CLMP: variants seen among roughly 807,000 people sequenced by gnomAD.
CLMP encodes CXADR-like membrane protein.
CLMP carries 27 observed loss-of-function variants against 45.2 expected under a neutral mutation model. The observed-to-expected ratio is 0.60, with a 90% CI of 0.44 to 0.82. The LOEUF (loss-of-function observed/expected upper bound fraction) is 0.82. Among genes scored for constraint, CLMP ranks in the 40% least tolerant of loss-of-function variants. CLMP has a pLI of 0.00. For synonymous variants in CLMP, 167 were observed against 171.4 expected (o/e 0.97, Z 0.20); for missense variants, 403 against 448.4 (o/e 0.90, Z 0.91).
chr11:123,171,842 A>G (rs1455387899), intron 1 of CLMP, among the ~76,000 whole-genome samples: 1 of 152,244 alleles, frequency 6.6e-6, no homozygotes, highest in Non-Finnish European at 1.5e-5. Context: ...CTTTAAAAAT[A>G]GAAGTTATAC....
At chr11:123,194,248 T>C (rs1192443699) in intron 1 of CLMP, among the ~76,000 whole-genome samples, 2 of 152,124 alleles carry the variant, frequency 1.3e-5, no homozygotes, top group African/African-American at 4.8e-5. Flanking sequence ...TATTTCCCTC[T>C]GTTCTGGTTC....
intron 5 of CLMP, among the ~76,000 whole-genome samples, chr11:123,081,819 A>G (rs2135466702): frequency 6.6e-6 from 1 of 150,658 alleles, no homozygotes; most frequent in East Asian, 1.9e-4. Context: ...CCAAGATCAC[A>G]CCACTGCACT....
intron 1 of CLMP, among the ~76,000 whole-genome samples, chr11:123,147,210 A>C (rs146180315): frequency 5.4e-4 from 82 of 151,990 alleles, no homozygotes; most frequent in African/African-American, 1.9e-3. Flanking sequence ...TGGCTCTCCA[A>C]CCTCATCTCG....
intron 1 of CLMP, among the ~76,000 whole-genome samples, chr11:123,189,142 C>A (rs1861873248): frequency 6.6e-6 from 1 of 152,214 alleles, no homozygotes; most frequent in East Asian, 1.9e-4. Context: ...AAACACATTT[C>A]TTAACCATTG....
intron 1 of CLMP, among the ~76,000 whole-genome samples, chr11:123,099,822 G>A (rs967065505): frequency 6.6e-6 from 1 of 152,180 alleles, no homozygotes; most frequent in African/African-American, 2.4e-5. Context: ...TCTTGCCGCA[G>A]TGAGCACAGT....
At chr11:123,074,066 T>C (rs1865705918) in intron 6 of CLMP, among the ~76,000 whole-genome samples, 1 of 152,226 alleles carries the variant, frequency 6.6e-6, no homozygotes, top group African/African-American at 2.4e-5. Flanking sequence ...ATAAACCCTT[T>C]CATGACCTAT....
intron 1 of CLMP, among the ~76,000 whole-genome samples, chr11:123,141,305 C>T (rs887260527): frequency 3.3e-5 from 5 of 150,916 alleles, no homozygotes; most frequent in African/African-American, 4.9e-5. Flanking sequence ...CTGCCTCAGC[C>T]TCCCGAGTAG....
Position 123,125,504 on chromosome 11 carries a change from C to CTCCCTTCCCTTCCCTTCCCTTCCCT in CLMP, c.29-27577_29-27553dup, listed in dbSNP as rs1295258016. Among the ~76,000 whole-genome samples, 27 of 71,152 alleles carry CTCCCTTCCCTTCCCTTCCCTTCCCT rather than the reference C, an allele frequency of 3.8e-4. 1 individual carries two copies. In the East Asian group the frequency reaches 0.011, roughly 28 times the overall value. The allele number at this position is 71,152 out of a possible 152,430, so 46.7% of individuals were successfully genotyped here. A position where few individuals can be genotyped will look rare whatever the true frequency, so the allele number is the denominator to read the frequency against. ...TCCCTCCCTCCTTCCTCCCTTCTTCCTCCCTTCCCTTCCCTTCCCTTCCCT... is the reference window on the plus strand; with the variant it reads ...TCCCTCCCTCCTTCCTCCCTTCTTCCTCCCTTCCCTTCCCTTCCCTTCCCTTCCCTTCCCTTCCCTTCCCTTCCCT... On this transcript the variant is annotated intron_variant, in intron 1 of 6. Coordinates refer to ENST00000448775, the MANE Select transcript of CLMP (RefSeq NM_024769.5).
At chr11:123,163,108 G>A (rs1291069593) in intron 1 of CLMP, among the ~76,000 whole-genome samples, 1 of 152,054 alleles carries the variant, frequency 6.6e-6, no homozygotes, top group African/African-American at 2.4e-5. Flanking sequence ...GAAGAGTCAG[G>A]AGAAAGAAGG....
At chr11:123,104,351 AT>A (rs1860504288) in intron 1 of CLMP, among the ~76,000 whole-genome samples, 2 of 149,364 alleles carry the variant, frequency 1.3e-5, no homozygotes. Flanking sequence ...AAAGTCTAGG[AT>A]TACAGGCATG....
chr11:123,102,279 G>GTTTTTTT (rs1174991262), intron 1 of CLMP, among the ~76,000 whole-genome samples: 1 of 120,908 alleles, frequency 8.3e-6, no homozygotes, highest in Admixed American at 9.7e-5. Flanking sequence ...ATCTTTCCAG[G>GTTTTTTT]TTTTTTTTTT....
At chr11:123,105,494 A>G (rs1162741414) in intron 1 of CLMP, among the ~76,000 whole-genome samples, 2 of 150,782 alleles carry the variant, frequency 1.3e-5, no homozygotes, top group African/African-American at 4.9e-5. Flanking sequence ...GCAGTGGCAC[A>G]ATCTTGGCTC....
chr11:123,118,948 T>TCTTTCTTC (rs1860757558), intron 1 of CLMP, among the ~76,000 whole-genome samples: 1 of 23,074 alleles, frequency 4.3e-5, no homozygotes, highest in Admixed American at 6.0e-4. Context: ...TTTCTTTCTT[T>TCTTTCTTC]CTTTCTTTCT....
At chr11:123,190,113 T>C (rs1482695279) in intron 1 of CLMP, among the ~76,000 whole-genome samples, 2 of 152,090 alleles carry the variant, frequency 1.3e-5, no homozygotes, top group African/African-American at 4.8e-5. Flanking sequence ...GTTCTGTAGG[T>C]AACCCTGCTT....
chr11:123,123,090 G>A (rs897105711), intron 1 of CLMP, among the ~76,000 whole-genome samples: 6 of 151,762 alleles, frequency 4.0e-5, no homozygotes, highest in South Asian at 2.1e-4. Context: ...TAAATCTTTC[G>A]CTTTCTCTGT....
rs1404729164 is a variant in CLMP at position 123,125,589 on chromosome 11, TTTC to T, written c.29-27640_29-27638del. 1.9e-4 allele frequency among the ~76,000 whole-genome samples: 24 copies of T among 126,948 alleles called. 1 individual carries two copies. The South Asian group carries it at 6.3e-3, about 33-fold the overall frequency. 83.3% of individuals were successfully genotyped at this position (126,948 alleles called of 152,430 possible). The stretch of plus-strand genomic sequence containing the variant: ...CCTCCCTCCCTCCCTCCCTCCTTTC[TTTC>T]TTCTTTTCTTTTCTTTCTTTCTTTT... On this transcript the variant is annotated intron_variant, in intron 1 of 6. Coordinates refer to ENST00000448775, the MANE Select transcript of CLMP (RefSeq NM_024769.5).
intron 1 of CLMP, among the ~76,000 whole-genome samples, chr11:123,175,615 G>A (rs1339258553): frequency 6.6e-6 from 1 of 152,174 alleles, no homozygotes; most frequent in South Asian, 2.1e-4. Context: ...GAGTCACCAC[G>A]CCCAGCTTGC....
At chr11:123,097,364 G>C (rs1219660956) in intron 2 of CLMP, among the ~76,000 whole-genome samples, 1 of 151,724 alleles carries the variant, frequency 6.6e-6, no homozygotes, top group African/African-American at 2.4e-5. Flanking sequence ...TTGAGATGGA[G>C]TCTTGCTGTG....
chr11:123,150,530 A>AGG lies in CLMP; in HGVS notation c.28+44382_28+44383insCC, dbSNP rs1591478695. 8.2e-5 allele frequency among the ~76,000 whole-genome samples: 10 copies of AGG among 122,152 alleles called. 1 individual carries two copies. The highest frequency in any genetic ancestry group is 5.5e-4 in the East Asian group (2 of 3,644). The allele number at this position is 122,152 out of a possible 152,430, so 80.1% of individuals were successfully genotyped here. ...AAGGAAGGAAGGAAGGAAGGAAGGA[A>AGG]AGAAACAAGCAAGGAAGGAAGGAAG... is the stretch of plus-strand genomic sequence containing the variant. On this transcript the variant is annotated intron_variant, in intron 1 of 6. Transcript: ENST00000448775.
Sources: allele counts gnomAD v4.1 joint callset (sites outside exome capture counted in the v4.1 genomes callset), GRCh38; gene constraint gnomAD v4.1.1; transcripts MANE v1.5; gene names NCBI Gene and HGNC (gene_info 2026-07-23, HGNC 2026-07-21).